Variants in TADA3 observed in about 807,000 individuals in gnomAD.
The protein encoded by TADA3 is transcriptional adapter 3.
TADA3 carries 25 observed loss-of-function variants against 43.2 expected under a neutral mutation model. The observed-to-expected ratio is 0.58, with a 90% confidence interval of 0.42 to 0.81. The LOEUF is 0.81. TADA3 is among the 30% of genes least tolerant of loss of function. The pLI, the probability that TADA3 is intolerant of heterozygous loss-of-function variation, is 0.00. For synonymous variants in TADA3, 235 were observed against 225.5 expected (o/e 1.04, Z -0.38); for missense variants, 441 against 567.8 (o/e 0.78, Z 2.27).
At chr3:9,788,929 G>A (rs1276214727) in intron 4 of TADA3, among the ~76,000 whole-genome samples, 9 of 149,568 alleles carry the variant, frequency 6.0e-5, no homozygotes, top group Non-Finnish European at 5.9e-5. Flanking sequence ...TCCACCTCCC[G>A]GGTCCAAGAG....
At chr3:9,787,981 G>C (rs1451326498) in intron 4 of TADA3, 2 of 332,490 alleles carry the variant, frequency 6.0e-6, no homozygotes, top group Non-Finnish European at 1.2e-5. Context: ...TACTTGGTGG[G>C]ACTGGTCAAC....
In TADA3 at chr3:9,780,345, C is replaced by T; in HGVS notation, c.*12G>A. 1 of 1,604,962 alleles carries T rather than the reference C, an allele frequency of 6.2e-7. No individual in the cohort carries two copies. The highest frequency in any genetic ancestry group is 8.5e-7 in the Non-Finnish European group (1 of 1,175,470). On this transcript the variant is annotated 3_prime_UTR_variant, in exon 9 of 9. Coordinates refer to ENST00000301964, the MANE Select transcript of TADA3 (RefSeq NM_006354.5). ...CCTAGGCCAGATAATCAGCCTGAGGCAGGGGTGAGGGCTACCCATCCAGCA... is the reference window on the plus strand; with the variant it reads ...CCTAGGCCAGATAATCAGCCTGAGGTAGGGGTGAGGGCTACCCATCCAGCA...
Position 9,780,188 on chromosome 3 carries a change from G to C in TADA3, c.*169C>G. 1.6e-6 allele frequency: 1 copy of C among 632,482 alleles called. No individual in the cohort carries two copies. The highest frequency in any genetic ancestry group is 3.1e-5 in the Admixed American group (1 of 32,332). The allele number at this position is 632,482 out of a possible 1,614,324, so 39.2% of individuals were successfully genotyped here. On this transcript the variant is annotated 3_prime_UTR_variant, in exon 9 of 9. Coordinates refer to ENST00000301964, the MANE Select transcript of TADA3 (RefSeq NM_006354.5). Reference sequence around the variant, plus strand: ...AGCCCAGCAGGGCTTCCTGTGTCCTGGTTGTACAGAGCTAGGCCAAAAGAC... The same window carrying C: ...AGCCCAGCAGGGCTTCCTGTGTCCTCGTTGTACAGAGCTAGGCCAAAAGAC...
At chr3:9,780,691 C>G (rs3872717) in intron 8 of TADA3, 142 bp from the exon 9 acceptor site, 352,849 of 747,956 alleles carry the variant, frequency 0.47, 87,375 homozygotes, top group Non-Finnish European at 0.52. Flanking sequence ...AAAGCAGTTA[C>G]TGACCTACAC....
chr3:9,792,978 A>C, upstream of TADA3: 1 of 1,428,898 alleles, frequency 7.0e-7, no homozygotes, highest in Non-Finnish European at 9.2e-7. Flanking sequence ...AAGCGTTCGT[A>C]AGGGCTCTCT....
In TADA3 at chr3:9,780,260, G is replaced by C; in HGVS notation, c.*97C>G. On this transcript the variant is annotated 3_prime_UTR_variant, in exon 9 of 9. Coordinates refer to ENST00000301964, the MANE Select transcript of TADA3 (RefSeq NM_006354.5). ...CTCTAGAGACTGCCGCCATTTGAGG[G>C]ACAGCCACAGGCCAATGTTTCCTGT... 11 of 1,337,866 alleles carry C rather than the reference G, an allele frequency of 8.2e-6. No individual in the cohort carries two copies. Among genetic ancestry groups the C allele is most frequent in the Non-Finnish European group, 1.1e-5 (11 of 978,988 alleles). The allele number at this position is 1,337,866 out of a possible 1,614,324, so 82.9% of individuals were successfully genotyped here.
upstream of TADA3, chr3:9,792,482 G>A (rs1362542036): frequency 8.3e-6 from 10 of 1,203,646 alleles, 1 homozygote; most frequent in Non-Finnish European, 1.0e-5. Context: ...CTGGCTATGG[G>A]CGGGCCCCTT....
intron 4 of TADA3, among the ~76,000 whole-genome samples, chr3:9,788,477 C>A (rs192525149): frequency 6.6e-6 from 1 of 151,276 alleles, no homozygotes; most frequent in African/African-American, 2.4e-5. Context: ...AATCTCCTGA[C>A]CTTGTGATCT....
chr3:9,786,234 C>T (rs1328621183), intron 6 of TADA3, among the ~76,000 whole-genome samples: 1 of 152,102 alleles, frequency 6.6e-6, no homozygotes, highest in African/African-American at 2.4e-5. Context: ...CCACCGCGCC[C>T]GGCCTCCTTG....
chr3:9,782,477 G>A (rs1254868834), intron 8 of TADA3, among the ~76,000 whole-genome samples: 1 of 152,298 alleles, frequency 6.6e-6, no homozygotes, highest in East Asian at 1.9e-4. Context: ...GCATACATTA[G>A]TCACTCTTAT....
At chr3:9,789,645 C>A in intron 3 of TADA3, 31 bp from the exon 4 acceptor site, 1 of 1,612,046 alleles carries the variant, frequency 6.2e-7, no homozygotes, top group Non-Finnish European at 8.5e-7. Context: ...TGAGTGGGCG[C>A]CCCTGCCCCA....
chr3:9,785,579 T>G (rs1213145926), intron 6 of TADA3, among the ~76,000 whole-genome samples, 154 bp from the exon 7 acceptor site: 1 of 152,194 alleles, frequency 6.6e-6, no homozygotes, highest in African/African-American at 2.4e-5. Context: ...AATCCCAAAT[T>G]GCTTTGATCA....
At chr3:9,787,605 C>T in intron 4 of TADA3, 1 of 1,137,800 alleles carries the variant, frequency 8.8e-7, no homozygotes, top group Middle Eastern at 2.0e-4. Flanking sequence ...AATACGTACA[C>T]AGATTGTCTC....
chr3:9,787,236 TTTC>T lies in TADA3; in HGVS notation c.666_668del (p.Lys223del), dbSNP rs775767017. Reference sequence around the variant, plus strand: ...GTTCGGTCAGTGGCCCCATGAGGCCTTTCTTCTTGTCAGCCACAGCCGCTGCCC... The same window carrying T: ...GTTCGGTCAGTGGCCCCATGAGGCCTTTCTTGTCAGCCACAGCCGCTGCCC... On this transcript the variant is annotated inframe_deletion, in exon 5 of 9. Coordinates refer to ENST00000301964, the MANE Select transcript of TADA3 (RefSeq NM_006354.5). 2.5e-6 allele frequency: 4 copies of T among 1,614,090 alleles called. No homozygotes were observed. The highest frequency in any genetic ancestry group is 1.1e-5 in the South Asian group (1 of 91,092).
At chr3:9,789,197 G>A (rs1052469701) in intron 4 of TADA3, among the ~76,000 whole-genome samples, 1 of 152,240 alleles carries the variant, frequency 6.6e-6, no homozygotes, top group Non-Finnish European at 1.5e-5. Context: ...CAGGAAGAGA[G>A]TTAAGAGGCT....
intron 8 of TADA3, 197 bp downstream of exon 8, chr3:9,783,831 G>T: frequency 1.0e-6 from 1 of 971,974 alleles, no homozygotes; most frequent in South Asian, 2.3e-5. Context: ...ACAGATGCCT[G>T]AGCCCCACTC....
Position 9,783,927 on chromosome 3 carries a change from G to C in TADA3, c.1106+101C>G, listed in dbSNP as rs188077686. 2.8e-5 allele frequency: 40 copies of C among 1,438,878 alleles called. No homozygotes were observed. The Admixed American group carries it at 9.9e-4, about 36-fold the overall frequency. The allele number at this position is 1,438,878 out of a possible 1,614,324, so 89.1% of individuals were successfully genotyped here. On this transcript the variant is annotated intron_variant, in intron 8 of 8. Coordinates refer to ENST00000301964, the MANE Select transcript of TADA3 (RefSeq NM_006354.5). Reference sequence around the variant, plus strand: ...GGCTCTCCAGGTGATTTAGAGGCCAGCCAGGATTGGAAAGCCTGTTGTAAA... The same window carrying C: ...GGCTCTCCAGGTGATTTAGAGGCCACCCAGGATTGGAAAGCCTGTTGTAAA...
chr3:9,780,677 C>T (rs1164958260), intron 8 of TADA3, 128 bp from the exon 9 acceptor site: 2 of 944,418 alleles, frequency 2.1e-6, no homozygotes, highest in Non-Finnish European at 3.1e-6. Flanking sequence ...ACAGTCGTGA[C>T]CAAAAAGCAG....
chr3:9,781,363 C>T (rs528036899), intron 8 of TADA3: 69 of 387,736 alleles, frequency 1.8e-4, no homozygotes, highest in Non-Finnish European at 1.4e-4. Flanking sequence ...TCAGTTAATC[C>T]TAACAACCCT....
Sources: gnomAD v4.1 joint callset for allele counts (sites outside exome capture counted in the v4.1 genomes callset) on GRCh38, gnomAD v4.1.1 for gene constraint, MANE v1.5 for transcripts, NCBI Gene and HGNC (gene_info 2026-07-23, HGNC 2026-07-21) for gene names.